Variants in RAB2A observed in about 807,000 individuals in gnomAD.
RAB2A encodes RAB2A, member RAS oncogene family.
A neutral mutation model predicts 32.5 loss-of-function variants in RAB2A; 7 were observed. That is an observed-to-expected ratio of 0.22 (90% CI 0.12 to 0.40). RAB2A has a LOEUF of 0.40. Ranked by LOEUF, RAB2A falls within the 10% of genes least tolerant of loss-of-function variation. RAB2A has a pLI of 1.00. For missense variants in RAB2A, 108 were observed against 260.7 expected (o/e 0.41, Z 4.03); for synonymous variants, 79 against 85.2 (o/e 0.93, Z 0.40).
At chr8:60,544,699 A>G (rs903585787) in intron 1 of RAB2A, among the ~76,000 whole-genome samples, 1 of 151,302 alleles carries the variant, frequency 6.6e-6, no homozygotes, top group African/African-American at 2.4e-5. Flanking sequence ...CTGTATTTTC[A>G]TTTTGCAATT....
intron 3 of RAB2A, among the ~76,000 whole-genome samples, chr8:60,572,969 A>G (rs908486166): frequency 6.6e-6 from 1 of 152,220 alleles, no homozygotes; most frequent in Non-Finnish European, 1.5e-5. Context: ...TAGTGAGACT[A>G]GTGATATCTG....
chr8:60,551,133 C>G (rs1167907532), intron 1 of RAB2A, among the ~76,000 whole-genome samples: 1 of 152,188 alleles, frequency 6.6e-6, no homozygotes, highest in African/African-American at 2.4e-5. Context: ...GTTTCAGGTC[C>G]TACATCCTTG....
chr8:60,618,691 T>G (rs964704796), intron 7 of RAB2A, 43 bp downstream of exon 7: 4 of 773,288 alleles, frequency 5.2e-6, no homozygotes, highest in Non-Finnish European at 7.2e-6. Flanking sequence ...AATTTAGAGT[T>G]CACTTTTGAT....
chr8:60,554,778 G>A (rs970463683), intron 1 of RAB2A, among the ~76,000 whole-genome samples: 4 of 152,060 alleles, frequency 2.6e-5, no homozygotes, highest in Non-Finnish European at 5.9e-5. Context: ...GCTTGAACCC[G>A]GAAGGCGGAG....
chr8:60,517,260 GC>G lies in RAB2A; in HGVS notation c.46+11del, dbSNP rs1263488110. ...ATCATAATCGGCGACACAGGTGAGG[GC>G]CCCGGGCGCGGCCGGGCGGGTGTCG... On this transcript the variant is annotated splice_region_variant and intron_variant, in intron 1 of 7. Coordinates refer to ENST00000262646, the MANE Select transcript of RAB2A (RefSeq NM_002865.3). 1 of 1,484,574 alleles carries G rather than the reference GC, an allele frequency of 6.7e-7. No homozygotes were observed. The highest frequency in any genetic ancestry group is 3.0e-5 in the East Asian group (1 of 33,406). The allele number at this position is 1,484,574 out of a possible 1,614,324, so 92.0% of individuals were successfully genotyped here. A position where few individuals can be genotyped will look rare whatever the true frequency, so the allele number is the denominator to read the frequency against.
chr8:60,586,580 G>T (rs1803852858), intron 5 of RAB2A, among the ~76,000 whole-genome samples: 1 of 152,102 alleles, frequency 6.6e-6, no homozygotes, highest in Non-Finnish European at 1.5e-5. Context: ...CATGTTCATG[G>T]ATTGTAAAAC....
chr8:60,584,372 T>C (rs1803815278), intron 4 of RAB2A, 82 bp downstream of exon 4: 1 of 1,216,436 alleles, frequency 8.2e-7, no homozygotes, highest in Admixed American at 1.8e-5. Context: ...AATGAAAGAA[T>C]AGCTTAGCCT....
intron 4 of RAB2A, 23 bp from the exon 5 acceptor site, chr8:60,584,700 A>G (rs1563478071): frequency 6.4e-7 from 1 of 1,560,402 alleles, no homozygotes; most frequent in Non-Finnish European, 8.8e-7. Context: ...GAACATAGTA[A>G]TTAAATTATT....
At chr8:60,556,337 A>G (rs986546877) in intron 1 of RAB2A, among the ~76,000 whole-genome samples, 1 of 152,188 alleles carries the variant, frequency 6.6e-6, no homozygotes, top group Non-Finnish European at 1.5e-5. Context: ...TATATTTTCA[A>G]ATAGCTACAA....
intron 1 of RAB2A, among the ~76,000 whole-genome samples, chr8:60,540,512 C>T (rs1017261424): frequency 6.6e-6 from 1 of 152,146 alleles, no homozygotes; most frequent in African/African-American, 2.4e-5. Flanking sequence ...GACAGTCTCT[C>T]TCCGTCGCTC....
chr8:60,611,440 T>G (rs775626372), intron 6 of RAB2A, among the ~76,000 whole-genome samples: 2 of 152,314 alleles, frequency 1.3e-5, no homozygotes, highest in South Asian at 4.1e-4. Context: ...CTTGCAGGGC[T>G]TTTCTCTCTC....
intron 1 of RAB2A, among the ~76,000 whole-genome samples, chr8:60,543,355 CTGTA>C (rs1807675950): frequency 1.9e-5 from 2 of 105,818 alleles, no homozygotes; most frequent in Non-Finnish European, 3.7e-5. Context: ...GGCAGCAGAA[CTGTA>C]CTCTCTATCC....
intron 1 of RAB2A, among the ~76,000 whole-genome samples, chr8:60,554,530 A>G (rs1807905471): frequency 6.6e-6 from 1 of 152,180 alleles, no homozygotes. Flanking sequence ...TCGGTTCCGT[A>G]AGTTTGAGTT....
chr8:60,517,028 C>T lies in RAB2A; in HGVS notation c.-180C>T, dbSNP rs1807215199. ...CGGTCGGGCGCTGTCTCCCTCGGCT[C>T]TGCGGGTGTCAGTTCGTCCGGCTTC... On this transcript the variant is annotated 5_prime_UTR_variant, in exon 1 of 8. Transcript: ENST00000262646. The T allele has an allele frequency of 1.1e-5, 6 of 532,460 alleles. No individual in the cohort carries two copies. The highest frequency in any genetic ancestry group is 3.1e-5 in the South Asian group (1 of 32,078). The allele number at this position is 532,460 out of a possible 1,614,324, so 33.0% of individuals were successfully genotyped here.
intron 3 of RAB2A, among the ~76,000 whole-genome samples, chr8:60,573,152 T>C (rs984964496): frequency 7.2e-5 from 11 of 152,212 alleles, no homozygotes; most frequent in African/African-American, 2.4e-4. Flanking sequence ...GATCACACTT[T>C]GAGAACCACT....
At position 60,575,907 on chromosome 8, in the gene RAB2A, A is replaced by G. The variant is rs190808655; in HGVS notation, c.186+3794A>G. On this transcript the variant is annotated intron_variant, in intron 3 of 7. Transcript: ENST00000262646. ...CCCGACCTCAGGTGATCCACGCCTC[A>G]GCCTCCCAAAGTGCTGGGATTATAG... is the stretch of plus-strand genomic sequence containing the variant. Among the ~76,000 whole-genome samples the G allele has an allele frequency of 7.0e-4, 107 of 152,228 alleles. No individual in the cohort carries two copies. In the Middle Eastern group the frequency reaches 0.01, roughly 15 times the overall value.
chr8:60,578,936 T>G (rs1803687654), intron 3 of RAB2A, among the ~76,000 whole-genome samples: 2 of 152,264 alleles, frequency 1.3e-5, no homozygotes, highest in African/African-American at 4.8e-5. Flanking sequence ...ACTTTAATAT[T>G]AAGCATCACT....
chr8:60,518,702 CGT>C (rs377546372), intron 1 of RAB2A, among the ~76,000 whole-genome samples: 8 of 144,572 alleles, frequency 5.5e-5, no homozygotes, highest in African/African-American at 7.6e-5. Flanking sequence ...TGCGTGCGTG[CGT>C]GTGTGTGTGT....
chr8:60,606,914 C>G (rs567386548), intron 6 of RAB2A, among the ~76,000 whole-genome samples: 4 of 152,302 alleles, frequency 2.6e-5, no homozygotes, highest in African/African-American at 9.6e-5. Flanking sequence ...CCTGGAAAGT[C>G]TCTGAAATGC....
Sources: gnomAD v4.1 joint callset for allele counts (sites outside exome capture counted in the v4.1 genomes callset) on GRCh38, gnomAD v4.1.1 for gene constraint, MANE v1.5 for transcripts, NCBI Gene and HGNC (gene_info 2026-07-23, HGNC 2026-07-21) for gene names.